Variants in TRPS1 observed in about 807,000 individuals in gnomAD.
The protein encoded by TRPS1 is transcriptional repressor GATA binding 1, also known as zinc finger transcription factor Trps1.
TRPS1 carries 6 observed loss-of-function variants against 101.2 expected under a neutral mutation model. That is an observed-to-expected ratio of 0.06 (90% CI 0.03 to 0.12). TRPS1 has a LOEUF of 0.12. Ranked by LOEUF, TRPS1 falls within the 10% of genes least tolerant of loss-of-function variation. The probability of loss-of-function intolerance (pLI) is 1.00; values close to 1 mark genes in which losing one functional copy is unlikely to be tolerated. For missense variants in TRPS1, 1,363 were observed against 1,567.0 expected (o/e 0.87, Z 2.20); for synonymous variants, 578 against 589.8 (o/e 0.98, Z 0.29).
chr8:115,449,874 C>T (rs1813824026), intron 5 of TRPS1, among the ~76,000 whole-genome samples: 1 of 151,844 alleles, frequency 6.6e-6, no homozygotes, highest in East Asian at 1.9e-4. Context: ...TCCCAAATAA[C>T]AGGAAATACT....
intron 5 of TRPS1, among the ~76,000 whole-genome samples, chr8:115,562,513 A>G (rs558790030): frequency 9.7e-4 from 148 of 151,972 alleles, no homozygotes; most frequent in African/African-American, 3.4e-3. Flanking sequence ...TGCCAGGAAA[A>G]AAAAAAAAAA....
chr8:115,525,210 C>T lies in TRPS1; in HGVS notation c.2700+61791G>A, dbSNP rs147100614. Among the ~76,000 whole-genome samples the T allele has an allele frequency of 4.8e-3, 724 of 152,130 alleles. 5 individuals are homozygous for T. Among genetic ancestry groups the T allele is most frequent in the Non-Finnish European group, 6.9e-3 (470 of 67,988 alleles). On this transcript the variant is annotated intron_variant, in intron 5 of 6. Coordinates refer to ENST00000395715, the MANE Select transcript of TRPS1 (RefSeq NM_014112.5). Reference sequence around the variant, plus strand: ...CAGATCAGTTCTCCCTATGAACATACGAGGATTGTATAGTAAAATTTCTCA... The same window carrying T: ...CAGATCAGTTCTCCCTATGAACATATGAGGATTGTATAGTAAAATTTCTCA...
chr8:115,591,666 A>G (rs1817681589), intron 4 of TRPS1, among the ~76,000 whole-genome samples: 2 of 152,226 alleles, frequency 1.3e-5, no homozygotes, highest in Non-Finnish European at 2.9e-5. Flanking sequence ...CAGGTGCTGG[A>G]GAGCTGTAGG....
At chr8:115,541,961 T>A (rs927145190) in intron 5 of TRPS1, among the ~76,000 whole-genome samples, 1 of 152,130 alleles carries the variant, frequency 6.6e-6, no homozygotes, top group Admixed American at 6.5e-5. Flanking sequence ...CCTGCAATAG[T>A]CAACAATGCA....
intron 1 of TRPS1, among the ~76,000 whole-genome samples, chr8:115,661,375 T>C (rs1219790973): frequency 2.0e-5 from 3 of 152,054 alleles, no homozygotes; most frequent in African/African-American, 7.2e-5. Flanking sequence ...TGTCTAAGTA[T>C]TATCGGTCTA....
At chr8:115,664,077 A>G (rs57160866) in intron 1 of TRPS1, among the ~76,000 whole-genome samples, 11,218 of 152,164 alleles carry the variant, frequency 0.074, 1,226 homozygotes, top group African/African-American at 0.24. Flanking sequence ...AATATTTTAT[A>G]CAAACAAATG....
At chr8:115,555,441 A>T (rs1322583480) in intron 5 of TRPS1, among the ~76,000 whole-genome samples, 1 of 152,218 alleles carries the variant, frequency 6.6e-6, no homozygotes, top group Non-Finnish European at 1.5e-5. Flanking sequence ...TTTTCCGAAC[A>T]CTTCCAATAT....
intron 5 of TRPS1, among the ~76,000 whole-genome samples, chr8:115,435,022 A>C (rs1041944260): frequency 6.6e-6 from 1 of 152,138 alleles, no homozygotes; most frequent in African/African-American, 2.4e-5. Context: ...TTATTTACTT[A>C]TTTATTATAA....
At chr8:115,521,817 C>G (rs1012173496) in intron 5 of TRPS1, among the ~76,000 whole-genome samples, 2 of 151,822 alleles carry the variant, frequency 1.3e-5, no homozygotes, top group Non-Finnish European at 2.9e-5. Flanking sequence ...ACTACTATGA[C>G]ATTTTTTATA....
intron 5 of TRPS1, among the ~76,000 whole-genome samples, chr8:115,498,316 T>C (rs576198748): frequency 1.3e-5 from 2 of 148,884 alleles, no homozygotes; most frequent in South Asian, 4.3e-4. Flanking sequence ...AAGTCTATGC[T>C]GCAGTGAGCT....
chr8:115,598,154 A>AT (rs1179447980), intron 4 of TRPS1, among the ~76,000 whole-genome samples: 4 of 151,696 alleles, frequency 2.6e-5, no homozygotes, highest in East Asian at 3.9e-4. Flanking sequence ...TCATCATTCC[A>AT]TTTTTTCTCC....
At chr8:115,461,110 T>C (rs1212534647) in intron 5 of TRPS1, among the ~76,000 whole-genome samples, 1 of 152,108 alleles carries the variant, frequency 6.6e-6, no homozygotes, top group Admixed American at 6.6e-5. Context: ...TACAATATAA[T>C]GAAAAATCTG....
At chr8:115,573,923 C>T (rs903589125) in intron 5 of TRPS1, among the ~76,000 whole-genome samples, 1 of 152,184 alleles carries the variant, frequency 6.6e-6, no homozygotes, top group Non-Finnish European at 1.5e-5. Flanking sequence ...GAAACAAGCT[C>T]AGAAAACCTT....
At chr8:115,474,748 G>A (rs1355421928) in intron 5 of TRPS1, among the ~76,000 whole-genome samples, 1 of 152,054 alleles carries the variant, frequency 6.6e-6, no homozygotes, top group Admixed American at 6.5e-5. Flanking sequence ...GGTTTCAAAT[G>A]TACAAAATGT....
At chr8:115,578,976 G>A (rs1446080649) in intron 5 of TRPS1, among the ~76,000 whole-genome samples, 1 of 152,054 alleles carries the variant, frequency 6.6e-6, no homozygotes, top group Non-Finnish European at 1.5e-5. Context: ...CAATGGTTAT[G>A]AGCAGGGACT....
intron 5 of TRPS1, among the ~76,000 whole-genome samples, chr8:115,435,450 G>A (rs1364913472): frequency 1.3e-5 from 2 of 152,120 alleles, no homozygotes; most frequent in African/African-American, 4.8e-5. Flanking sequence ...TGAGGCACAT[G>A]CTATCCCTTT....
rs572380079 is a variant in TRPS1, at chr8:115,534,704, T to C, written c.2700+52297A>G. On this transcript the variant is annotated intron_variant, in intron 5 of 6. Coordinates refer to ENST00000395715, the MANE Select transcript of TRPS1 (RefSeq NM_014112.5). The stretch of plus-strand genomic sequence containing the variant: ...TGAAGATCAAGGTATGTTAAGCATA[T>C]CAACAACAGTGATATTCAGAGAGTG... Among the ~76,000 whole-genome samples, 5 of 152,306 alleles carry C rather than the reference T, an allele frequency of 3.3e-5. No homozygotes were observed. In the South Asian group the frequency reaches 1.0e-3, roughly 32 times the overall value.
chr8:115,457,104 A>C (rs1024074144), intron 5 of TRPS1, among the ~76,000 whole-genome samples: 3 of 152,196 alleles, frequency 2.0e-5, no homozygotes, highest in Non-Finnish European at 4.4e-5. Flanking sequence ...TGCATAAAAT[A>C]TAATTATCCT....
chr8:115,646,919 C>T (rs1819037078), intron 1 of TRPS1, among the ~76,000 whole-genome samples: 1 of 152,108 alleles, frequency 6.6e-6, no homozygotes, highest in Non-Finnish European at 1.5e-5. Context: ...ATGTTATCAA[C>T]TGAAAAATTC....
Sources: gnomAD v4.1 joint callset for allele counts (sites outside exome capture counted in the v4.1 genomes callset) on GRCh38, gnomAD v4.1.1 for gene constraint, MANE v1.5 for transcripts, NCBI Gene and HGNC (gene_info 2026-07-23, HGNC 2026-07-21) for gene names.